ARHGDIB: variants seen among roughly 807,000 people sequenced by gnomAD.
ARHGDIB encodes rho GDP-dissociation inhibitor 2.
A neutral mutation model predicts 22.6 loss-of-function variants in ARHGDIB; 20 were observed. The ratio of observed to expected loss-of-function variants is 0.88; its 90% CI spans 0.62 to 1.28. The LOEUF is 1.28. Ranked by LOEUF, ARHGDIB falls within the 50% of genes most tolerant of loss-of-function variation. The probability of loss-of-function intolerance (pLI) is 0.00; values close to 1 mark genes in which losing one functional copy is unlikely to be tolerated. For missense variants in ARHGDIB, 254 were observed against 245.4 expected, an observed-to-expected ratio of 1.04 and a Z score of -0.23; for synonymous variants, 114 against 96.1, an observed-to-expected ratio of 1.19 and a Z score of -1.09.
rs1193396421 is a variant in ARHGDIB at position 14,950,679 on chromosome 12, C to A, written c.34G>T (p.Glu12Ter). 1 of 1,613,054 alleles carries A rather than the reference C, an allele frequency of 6.2e-7. No homozygotes were observed. Among genetic ancestry groups the A allele is most frequent in the Non-Finnish European group, 8.5e-7 (1 of 1,179,650 alleles). Residue 12 changes from glutamate to a stop codon, truncating the protein, a stop_gained, in exon 2 of 6, where the codon GAG (glutamate) becomes TAG (stop). Transcript: ENST00000228945. LOFTEE classifies it high-confidence loss of function. Reference protein sequence around the residue: ...TEKAPEPHVEEDDDDELDSKL... With the variant: ...TEKAPEPHVE ...CTGTCCAGCTCATCATCGTCATCCT[C>A]CTCCACATGTGGCTCTGGGGCTTTT...
intron 5 of ARHGDIB, among the ~76,000 whole-genome samples, chr12:14,942,956 C>G (rs948827197): frequency 1.3e-5 from 2 of 152,066 alleles, no homozygotes; most frequent in Admixed American, 6.5e-5. Flanking sequence ...ACAACCTCCA[C>G]CTCCCAGGTT....
chr12:14,950,761 C>T (rs540175050), intron 1 of ARHGDIB, 37 bp from the exon 2 acceptor site: 2 of 1,533,424 alleles, frequency 1.3e-6, no homozygotes, highest in African/African-American at 1.4e-5. Flanking sequence ...GTCAACAAGT[C>T]ATGAATATAA....
chr12:14,951,296 G>C (rs376013752), intron 1 of ARHGDIB: 1 of 152,698 alleles, frequency 6.5e-6, no homozygotes, highest in African/African-American at 2.4e-5. Context: ...TATGATACCT[G>C]CCTCAGGTGC....
intron 5 of ARHGDIB, among the ~76,000 whole-genome samples, 176 bp downstream of exon 5, chr12:14,944,600 G>T (rs74068200): frequency 6.6e-6 from 1 of 152,334 alleles, no homozygotes; most frequent in African/African-American, 2.4e-5. Context: ...GGTCCCCTGA[G>T]CATTGGCCTT....
At chr12:14,953,919 T>C (rs1864241114) in intron 1 of ARHGDIB, among the ~76,000 whole-genome samples, 1 of 150,894 alleles carries the variant, frequency 6.6e-6, no homozygotes, top group Non-Finnish European at 1.5e-5. Context: ...TCTCTCTCTC[T>C]CCCTTCTTTC....
At position 14,949,814 on chromosome 12, in the gene ARHGDIB, T is replaced by C. The variant is rs1223493626; in HGVS notation, c.253A>G (p.Met85Val). 5 of 1,613,586 alleles carry C rather than the reference T, an allele frequency of 3.1e-6. No homozygotes were observed. The highest frequency in any genetic ancestry group is 3.3e-5 in the Admixed American group (2 of 60,000). ...TGTGTCTACATACCAGTAAGGTCCA[T>C]GGTGATTGGTCCCGGGGCACTCTCA... Reference protein sequence around the residue: ...VCESAPGPITMDLTGDLEALK... With the variant: ...VCESAPGPITVDLTGDLEALK... The change falls in exon 3 of 6, where the codon ATG becomes GTG. Residue 85 changes from methionine (M) to valine (V), a missense_variant. Transcript: ENST00000228945.
chr12:14,947,856 C>G lies in ARHGDIB; in HGVS notation c.342+17G>C, dbSNP rs376282752. On this transcript the variant is annotated intron_variant, in intron 4 of 5. Transcript: ENST00000228945. ...AAGATTTAAACTTTACAAAAACACA[C>G]AAGGCAGGATACTTACTTTGAAGTG... is the stretch of plus-strand genomic sequence containing the variant. 2.0e-5 allele frequency: 31 copies of G among 1,571,514 alleles called. No individual in the cohort carries two copies. The African/African-American group carries it at 3.5e-4, about 18-fold the overall frequency.
intron 3 of ARHGDIB, 105 bp downstream of exon 3, chr12:14,949,697 T>G: frequency 3.1e-6 from 3 of 971,212 alleles, no homozygotes; most frequent in Middle Eastern, 2.3e-4. Flanking sequence ...AGCATATATA[T>G]CTCTCTGATT....
intron 1 of ARHGDIB, among the ~76,000 whole-genome samples, chr12:14,958,433 T>G (rs528098287): frequency 6.6e-6 from 1 of 152,296 alleles, no homozygotes; most frequent in Non-Finnish European, 1.5e-5. Flanking sequence ...TTTCTTACCA[T>G]TTGTCTTTGT....
intron 3 of ARHGDIB, 151 bp from the exon 4 acceptor site, chr12:14,948,100 G>GCGCGCGCGCACACA (rs71926892): frequency 2.4e-6 from 1 of 410,012 alleles, no homozygotes; most frequent in African/African-American, 2.1e-5. Context: ...TTTAGTCCTT[G>GCGCGCGCGCACACA]CACACACACA....
At chr12:14,944,354 C>A (rs1863957885) in intron 5 of ARHGDIB, among the ~76,000 whole-genome samples, 1 of 152,080 alleles carries the variant, frequency 6.6e-6, no homozygotes, top group South Asian at 2.1e-4. Context: ...ATGCCACCCC[C>A]ACCTACTCCC....
chr12:14,947,630 G>T, intron 4 of ARHGDIB: 1 of 449,058 alleles, frequency 2.2e-6, no homozygotes, highest in Non-Finnish European at 4.0e-6. Context: ...AGTTCACAGA[G>T]GGATCCCATT....
At chr12:14,960,263 A>G (rs562231814) in intron 1 of ARHGDIB, among the ~76,000 whole-genome samples, 1 of 152,242 alleles carries the variant, frequency 6.6e-6, no homozygotes, top group Non-Finnish European at 1.5e-5. Flanking sequence ...ATTACAGATT[A>G]TGTTTATGAA....
chr12:14,950,917 C>G (rs559632008), intron 1 of ARHGDIB, 193 bp from the exon 2 acceptor site: 5 of 483,800 alleles, frequency 1.0e-5, no homozygotes, highest in Admixed American at 3.9e-5. Context: ...TTTCTCTGAC[C>G]TGCCTGAATT....
chr12:14,950,803 C>CA, intron 1 of ARHGDIB, 79 bp from the exon 2 acceptor site: 2 of 1,224,260 alleles, frequency 1.6e-6, no homozygotes, highest in Non-Finnish European at 2.2e-6. Flanking sequence ...TTAGCAGCCT[C>CA]CTTACCCTCA....
Position 14,949,865 on chromosome 12 carries a change from C to G in ARHGDIB, c.202G>C (p.Val68Leu), listed in dbSNP as rs41276686. 7,425 of 1,613,360 alleles carry G rather than the reference C, an allele frequency of 4.6e-3. 24 individuals are homozygous for G. Among genetic ancestry groups the G allele is most frequent in the Middle Eastern group, 8.8e-3 (53 of 6,056 alleles). The change falls in exon 3 of 6, where the codon GTT becomes CTT. Residue 68 changes from valine to leucine, a missense_variant. By Grantham distance (32) the Val-to-Leu change is conservative. Coordinates refer to ENST00000228945, the MANE Select transcript of ARHGDIB (RefSeq NM_001175.7). ...VVTDPKAPNV[V>L]VTRLTLVCES... ...CAAACCAGGGTGAGCCGGGTGACAA[C>G]GACATTGGGGGCTTTCGGATCTGCA... is the stretch of plus-strand genomic sequence containing the variant.
intron 4 of ARHGDIB, 59 bp downstream of exon 4, chr12:14,947,814 A>G: frequency 7.5e-7 from 1 of 1,339,128 alleles, no homozygotes; most frequent in Non-Finnish European, 1.1e-6. Flanking sequence ...CAAGAAATGT[A>G]GTCACTGATT....
At chr12:14,958,857 GCA>G (rs1864353729) in intron 1 of ARHGDIB, among the ~76,000 whole-genome samples, 1 of 152,180 alleles carries the variant, frequency 6.6e-6, no homozygotes, top group African/African-American at 2.4e-5. Context: ...TGTGCTTATT[GCA>G]CAGATAAATG....
At position 14,942,519 on chromosome 12, in the gene ARHGDIB, C is replaced by A. The variant is rs745465573; in HGVS notation, c.*3G>T. 1 of 1,614,006 alleles carries A rather than the reference C, an allele frequency of 6.2e-7. No individual in the cohort carries two copies. Among genetic ancestry groups the A allele is most frequent in the Admixed American group, 1.7e-5 (1 of 60,026 alleles). Reference sequence around the variant, plus strand: ...GCAAGGGTGGGGAAAGGGGTGGATGCATTCATTCTGTCCACTCCTTCTTAA... The same window carrying A: ...GCAAGGGTGGGGAAAGGGGTGGATGAATTCATTCTGTCCACTCCTTCTTAA... On this transcript the variant is annotated 3_prime_UTR_variant, in exon 6 of 6. Transcript: ENST00000228945.
Sources: allele counts gnomAD v4.1 joint callset (sites outside exome capture counted in the v4.1 genomes callset), GRCh38; gene constraint gnomAD v4.1.1; transcripts MANE v1.5; gene names NCBI Gene and HGNC (gene_info 2026-07-23, HGNC 2026-07-21).